Variants in SLC25A13 observed in about 807,000 individuals in gnomAD.
The protein encoded by SLC25A13 is solute carrier family 25 member 13, also known as electrogenic aspartate/glutamate antiporter SLC25A13, mitochondrial.
A neutral mutation model predicts 85.5 loss-of-function variants in SLC25A13; 70 were observed. That is an observed-to-expected ratio of 0.82 (90% CI 0.68 to 1.00). SLC25A13 has a LOEUF of 1.00. Among genes scored for constraint, SLC25A13 ranks in the 50% least tolerant of loss-of-function variants. The pLI, the probability that SLC25A13 is intolerant of heterozygous loss-of-function variation, is 0.00. For missense variants in SLC25A13, 765 were observed against 819.8 expected (o/e 0.93, Z 0.82); for synonymous variants, 259 against 288.7 (o/e 0.90, Z 1.04).
At chr7:96,278,280 A>T (rs762880779) in intron 2 of SLC25A13, among the ~76,000 whole-genome samples, 3 of 152,164 alleles carry the variant, frequency 2.0e-5, no homozygotes, top group Non-Finnish European at 2.9e-5. Flanking sequence ...CTACAAGAAC[A>T]AGCCTAGCTG....
chr7:96,177,386 C>T (rs752304054), intron 11 of SLC25A13, among the ~76,000 whole-genome samples: 1 of 152,166 alleles, frequency 6.6e-6, no homozygotes, highest in African/African-American at 2.4e-5. Flanking sequence ...TTAAATGATC[C>T]TTAACCTCTG....
intron 3 of SLC25A13, among the ~76,000 whole-genome samples, chr7:96,259,148 A>T (rs1410555404): frequency 6.6e-6 from 1 of 152,242 alleles, no homozygotes; most frequent in African/African-American, 2.4e-5. Flanking sequence ...AGACATAGGC[A>T]TATGCAAAGA....
At chr7:96,163,430 G>A (rs535414437) in intron 13 of SLC25A13, among the ~76,000 whole-genome samples, 2 of 152,270 alleles carry the variant, frequency 1.3e-5, no homozygotes, top group Non-Finnish European at 2.9e-5. Context: ...GCTGCCACTA[G>A]CCCATAACCA....
chr7:96,217,273 G>A (rs952342576), intron 4 of SLC25A13, among the ~76,000 whole-genome samples: 4 of 152,140 alleles, frequency 2.6e-5, no homozygotes, highest in African/African-American at 9.7e-5. Flanking sequence ...AAACACTGCT[G>A]GTGGGAATAT....
chr7:96,131,132 A>G (rs1792012793), intron 15 of SLC25A13, among the ~76,000 whole-genome samples: 1 of 152,198 alleles, frequency 6.6e-6, no homozygotes. Context: ...GACCCTTGAA[A>G]AGAAGCAGCA....
intron 4 of SLC25A13, among the ~76,000 whole-genome samples, chr7:96,212,639 G>A (rs996297923): frequency 2.0e-5 from 3 of 152,172 alleles, no homozygotes; most frequent in African/African-American, 7.2e-5. Flanking sequence ...GTGAATCAAA[G>A]GTCCAGTTAC....
At chr7:96,146,450 CA>C (rs1792792113) in intron 14 of SLC25A13, 105 bp downstream of exon 14, 6 of 1,433,778 alleles carry the variant, frequency 4.2e-6, no homozygotes. Context: ...ACATCTTCTC[CA>C]GGTGTAGAAA....
At chr7:96,151,876 C>T (rs546714742) in intron 13 of SLC25A13, among the ~76,000 whole-genome samples, 5 of 152,120 alleles carry the variant, frequency 3.3e-5, no homozygotes, top group South Asian at 4.1e-4. Flanking sequence ...TCCCGGGCAG[C>T]GGAGGTTGCA....
intron 14 of SLC25A13, among the ~76,000 whole-genome samples, chr7:96,137,715 C>G (rs1179196507): frequency 6.6e-6 from 1 of 152,204 alleles, no homozygotes; most frequent in Admixed American, 6.5e-5. Flanking sequence ...CAACCTCCAC[C>G]TCTGGTTCAA....
chr7:96,303,205 T>C (rs1370148731), intron 1 of SLC25A13, among the ~76,000 whole-genome samples: 4 of 152,070 alleles, frequency 2.6e-5, no homozygotes, highest in Non-Finnish European at 5.9e-5. Context: ...ACTTCCCCAG[T>C]CACCCTCCCA....
At chr7:96,185,914 A>G (rs999399919) in intron 9 of SLC25A13, among the ~76,000 whole-genome samples, 1 of 151,418 alleles carries the variant, frequency 6.6e-6, no homozygotes, top group Non-Finnish European at 1.5e-5. Flanking sequence ...ATAAAATAAA[A>G]TAAAGTAAAT....
intron 4 of SLC25A13, among the ~76,000 whole-genome samples, chr7:96,215,106 A>C (rs1795839609): frequency 6.6e-6 from 1 of 152,148 alleles, no homozygotes; most frequent in African/African-American, 2.4e-5. Flanking sequence ...AACAATCTTG[A>C]AAAAGAAGAA....
chr7:96,265,367 T>C (rs937914458), intron 3 of SLC25A13, among the ~76,000 whole-genome samples: 7 of 152,122 alleles, frequency 4.6e-5, no homozygotes, highest in African/African-American at 1.2e-4. Context: ...CATCAGAAAG[T>C]CTTTAAGTAT....
chr7:96,217,384 A>G (rs946192946), intron 4 of SLC25A13, among the ~76,000 whole-genome samples: 3 of 152,106 alleles, frequency 2.0e-5, no homozygotes, highest in African/African-American at 4.8e-5. Flanking sequence ...ACTCTCAGGT[A>G]TATACTCAAG....
Position 96,189,633 on chromosome 7 carries a change from G to C in SLC25A13, c.796C>G (p.Pro266Ala). 1 of 1,613,244 alleles carries C rather than the reference G, an allele frequency of 6.2e-7. No homozygotes were observed. Among genetic ancestry groups the C allele is most frequent in the Non-Finnish European group, 8.5e-7 (1 of 1,179,936 alleles). ...LAAQKFGQVT[P>A]MEVDILFQLA... is the part of the protein sequence containing the mutation. Reference sequence around the variant, plus strand: ...TGAAACAAGATGTCAACTTCCATGGGTGTAACCTGACCAAATTTCTGAGCT... The same window carrying C: ...TGAAACAAGATGTCAACTTCCATGGCTGTAACCTGACCAAATTTCTGAGCT... Residue 266 changes from proline (P) to alanine (A), a missense_variant, in exon 8 of 18, where the codon CCC becomes GCC. Pro to Ala is a conservative substitution (Grantham distance 27). Coordinates refer to ENST00000265631, the MANE Select transcript of SLC25A13 (RefSeq NM_014251.3).
intron 3 of SLC25A13, among the ~76,000 whole-genome samples, chr7:96,255,195 T>C (rs1439375904): frequency 6.6e-6 from 1 of 152,198 alleles, no homozygotes; most frequent in East Asian, 1.9e-4. Context: ...TTGGCAGCAA[T>C]AAAGGTGTTA....
chr7:96,243,141 T>C (rs1229651754), intron 3 of SLC25A13, among the ~76,000 whole-genome samples: 1 of 152,136 alleles, frequency 6.6e-6, no homozygotes, highest in Non-Finnish European at 1.5e-5. Context: ...AATTTTTGTA[T>C]TTTTAGTAGA....
intron 13 of SLC25A13, among the ~76,000 whole-genome samples, chr7:96,168,098 GAAAAAAAAAAA>G (rs543491037): frequency 0.01 from 200 of 19,706 alleles, 1 homozygote; most frequent in Non-Finnish European, 0.019. Flanking sequence ...AACTCTGTCT[GAAAAAAAAAAA>G]AAAAAAAAAA....
intron 14 of SLC25A13, among the ~76,000 whole-genome samples, chr7:96,143,644 T>C (rs745995801): frequency 1.5e-4 from 23 of 152,218 alleles, no homozygotes; most frequent in Non-Finnish European, 2.8e-4. Flanking sequence ...ATGCAAAATG[T>C]TTACCATTTT....
Sources: gnomAD v4.1 joint callset for allele counts (sites outside exome capture counted in the v4.1 genomes callset) on GRCh38, gnomAD v4.1.1 for gene constraint, MANE v1.5 for transcripts, NCBI Gene and HGNC (gene_info 2026-07-23, HGNC 2026-07-21) for gene names.